Variants in ANAPC16 observed in about 807,000 individuals in gnomAD.
ANAPC16 encodes the protein anaphase promoting complex subunit 16.
In ANAPC16, 6 loss-of-function variants were observed where a neutral mutation model predicts 13.1. That is an observed-to-expected ratio of 0.46 (90% CI 0.25 to 0.90). The LOEUF is 0.90. ANAPC16 is among the 40% of genes least tolerant of loss of function. The pLI is 0.18. For missense variants in ANAPC16, 113 were observed against 131.1 expected (o/e 0.86, Z 0.67); for synonymous variants, 55 against 51.3 (o/e 1.07, Z -0.31).
intron 1 of ANAPC16, among the ~76,000 whole-genome samples, chr10:72,219,330 C>T (rs1399816919): frequency 1.3e-5 from 2 of 152,082 alleles, no homozygotes; most frequent in East Asian, 1.9e-4. Context: ...CAGTGTAGTC[C>T]GGAAGATTGG....
In ANAPC16 at chr10:72,219,369, C is replaced by T. The variant is rs180885289; in HGVS notation, c.-28+3231C>T. Among the ~76,000 whole-genome samples the T allele has an allele frequency of 2.0e-5, 3 of 152,242 alleles. No individual in the cohort carries two copies. The East Asian group carries it at 5.8e-4, about 29-fold the overall frequency. On this transcript the variant is annotated intron_variant, in intron 1 of 3. Coordinates refer to ENST00000299381, the MANE Select transcript of ANAPC16 (RefSeq NM_173473.4). Reference sequence around the variant, plus strand: ...TTAATCTAACTCCCAAAGTTGTTGCCTCTGTGGATATGAGTACAATTTGGA... The same window carrying T: ...TTAATCTAACTCCCAAAGTTGTTGCTTCTGTGGATATGAGTACAATTTGGA...
Position 72,220,830 on chromosome 10 carries a change from C to G in ANAPC16, c.-27-3058C>G, listed in dbSNP as rs183341838. On this transcript the variant is annotated intron_variant, in intron 1 of 3. Coordinates refer to ENST00000299381, the MANE Select transcript of ANAPC16 (RefSeq NM_173473.4). ...TTTCTTTGTTCCTTTTCCACTCCCA[C>G]TGCTTCACGTGACTGGCCAGAAAAA... 3.4e-3 allele frequency: 520 copies of G among 150,842 alleles called. 5 individuals are homozygous for G. Among genetic ancestry groups the G allele is most frequent in the African/African-American group, 0.012 (501 of 40,862 alleles). The allele number at this position is 150,842 out of a possible 1,614,324, so 9.3% of individuals were successfully genotyped here. A position where few individuals can be genotyped will look rare whatever the true frequency, so the allele number is the denominator to read the frequency against.
At chr10:72,216,890 G>A (rs1280589678) in intron 1 of ANAPC16, 2 of 456,214 alleles carry the variant, frequency 4.4e-6, no homozygotes, top group Admixed American at 2.3e-5. Context: ...GGGCACCTCC[G>A]GTGGGCCTGG....
At chr10:72,229,923 A>AT (rs1180997505) in intron 2 of ANAPC16, among the ~76,000 whole-genome samples, 1 of 152,082 alleles carries the variant, frequency 6.6e-6, no homozygotes, top group South Asian at 2.1e-4. Context: ...AAAATCAACA[A>AT]TTTTTTCCTC....
chr10:72,223,667 T>A, intron 1 of ANAPC16: 1 of 343,732 alleles, frequency 2.9e-6, no homozygotes, highest in East Asian at 4.6e-5. Context: ...TAGGAATTCA[T>A]GTTTTAAGTA....
intron 1 of ANAPC16, among the ~76,000 whole-genome samples, chr10:72,219,352 A>T (rs552137745): frequency 2.0e-5 from 3 of 152,310 alleles, no homozygotes; most frequent in Non-Finnish European, 4.4e-5. Flanking sequence ...TATTAATCTA[A>T]CTCCCAAAGT....
Position 72,235,702 on chromosome 10 carries a change from G to A in ANAPC16, c.*2586G>A, listed in dbSNP as rs920404355. The A allele has an allele frequency of 1.3e-5, 2 of 152,066 alleles. No homozygotes were observed. The highest frequency in any genetic ancestry group is 2.1e-4 in the South Asian group (1 of 4,830). 9.4% of individuals were successfully genotyped at this position (152,066 alleles called of 1,614,324 possible). ...TTTAGAAGCAATCACTACCTTTCTC[G>A]TTTCATTTGTGTAACCATGCAGCAT... is the stretch of plus-strand genomic sequence containing the variant. On this transcript the variant is annotated 3_prime_UTR_variant, in exon 4 of 4. Coordinates refer to ENST00000299381, the MANE Select transcript of ANAPC16 (RefSeq NM_173473.4).
chr10:72,223,877 T>G lies in ANAPC16; in HGVS notation c.-27-11T>G, dbSNP rs1486705165. ...ATAAACTTGCCAATTGCTGTTTTTC[T>G]TTCTCTGTAGTGAAGTAAGAACTCT... On this transcript the variant is annotated splice_polypyrimidine_tract_variant and intron_variant, in intron 1 of 3. Coordinates refer to ENST00000299381, the MANE Select transcript of ANAPC16 (RefSeq NM_173473.4). 2 of 1,495,692 alleles carry G rather than the reference T, an allele frequency of 1.3e-6. No homozygotes were observed. The highest frequency in any genetic ancestry group is 1.8e-6 in the Non-Finnish European group (2 of 1,108,964). The allele number at this position is 1,495,692 out of a possible 1,614,324, so 92.7% of individuals were successfully genotyped here.
rs1860451110 is a variant in ANAPC16 at position 72,235,771 on chromosome 10, A to G, written c.*2655A>G. 1 of 152,204 alleles carries G rather than the reference A, an allele frequency of 6.6e-6. No individual in the cohort carries two copies. The highest frequency in any genetic ancestry group is 1.5e-5 in the Non-Finnish European group (1 of 68,048). The allele number at this position is 152,204 out of a possible 1,614,324, so 9.4% of individuals were successfully genotyped here. A position where few individuals can be genotyped will look rare whatever the true frequency, so the allele number is the denominator to read the frequency against. ...TCTTTACGCTTTGGTATTTGAACTT[A>G]TTACAGAATTTTTTCTCTAAATTGG... On this transcript the variant is annotated 3_prime_UTR_variant, in exon 4 of 4. Coordinates refer to ENST00000299381, the MANE Select transcript of ANAPC16 (RefSeq NM_173473.4).
chr10:72,225,037 A>C (rs949317610), intron 2 of ANAPC16, among the ~76,000 whole-genome samples: 3 of 152,170 alleles, frequency 2.0e-5, no homozygotes, highest in Non-Finnish European at 4.4e-5. Flanking sequence ...TAATTCTAGC[A>C]CTTTGGGAGG....
chr10:72,230,413 G>A lies in ANAPC16; in HGVS notation c.190G>A (p.Ala64Thr). 5 of 1,614,052 alleles carry A rather than the reference G, an allele frequency of 3.1e-6. No homozygotes were observed. Among genetic ancestry groups the A allele is most frequent in the Non-Finnish European group, 4.2e-6 (5 of 1,179,982 alleles). The stretch of plus-strand genomic sequence containing the variant: ...CGAATCTGTTTTTAGCTATCAAGTG[G>A]CATCCACGCTTAAACAGGTGAAACA... ...LCESVFSYQV[A>T]STLKQVKHDQ... Residue 64 changes from alanine to threonine, a missense_variant, in exon 3 of 4, where the codon GCA becomes ACA. Physicochemically the swap from Ala to Thr is moderately conservative, Grantham distance 58 (BLOSUM62 0). Coordinates refer to ENST00000299381, the MANE Select transcript of ANAPC16 (RefSeq NM_173473.4).
At chr10:72,227,012 A>G (rs1007323759) in intron 2 of ANAPC16, among the ~76,000 whole-genome samples, 5 of 152,236 alleles carry the variant, frequency 3.3e-5, no homozygotes, top group African/African-American at 9.6e-5. Context: ...CTAAAACTAT[A>G]TTATGACTTC....
intron 2 of ANAPC16, among the ~76,000 whole-genome samples, chr10:72,226,739 TAAA>T (rs1860134221): frequency 2.0e-5 from 3 of 151,210 alleles, no homozygotes; most frequent in Admixed American, 6.6e-5. Context: ...TCAGAAATAA[TAAA>T]AAGAGTTACG....
intron 3 of ANAPC16, among the ~76,000 whole-genome samples, chr10:72,231,175 T>A (rs144846089): frequency 6.6e-6 from 1 of 152,142 alleles, no homozygotes; most frequent in Non-Finnish European, 1.5e-5. Flanking sequence ...AAGCTGTAAT[T>A]GCCTCTAACC....
rs566040344 is a variant in ANAPC16, at chr10:72,233,100, C to T, written c.317C>T (p.Thr106Ile). The change falls in exon 4 of 4, where the codon ACC becomes ATC. Residue 106 changes from threonine (T) to isoleucine (I), a missense_variant. Transcript: ENST00000299381. Reference sequence around the variant, plus strand: ...CCCATCGAGCAGCTGCTGGGATTCACCCCCTCTTCAGGTTGATACTGCCTG... The same window carrying T: ...CCCATCGAGCAGCTGCTGGGATTCATCCCCTCTTCAGGTTGATACTGCCTG... ...FKPIEQLLGF[T>I]PSSG The T allele has an allele frequency of 6.2e-7, 1 of 1,613,970 alleles. No individual in the cohort carries two copies. The highest frequency in any genetic ancestry group is 8.5e-7 in the Non-Finnish European group (1 of 1,179,908).
chr10:72,233,644 T>G lies in ANAPC16; in HGVS notation c.*528T>G, dbSNP rs1369697984. ...ATTTTTAGACATCAATTCTATAGAT[T>G]CTGACTTTTTCTAACCTCTTATAGA... On this transcript the variant is annotated 3_prime_UTR_variant, in exon 4 of 4. Transcript: ENST00000299381. The G allele has an allele frequency of 6.5e-6, 1 of 152,976 alleles. No individual in the cohort carries two copies. The highest frequency in any genetic ancestry group is 2.4e-5 in the African/African-American group (1 of 41,464). The allele number at this position is 152,976 out of a possible 1,614,324, so 9.5% of individuals were successfully genotyped here.
rs535294952 is a variant in ANAPC16, at chr10:72,235,577, T to A, written c.*2461T>A. Reference sequence around the variant, plus strand: ...CATATTCGACAGCATTTTAGTTTTTTAATAGTACTTATTAGCATCAACCAT... The same window carrying A: ...CATATTCGACAGCATTTTAGTTTTTAAATAGTACTTATTAGCATCAACCAT... On this transcript the variant is annotated 3_prime_UTR_variant, in exon 4 of 4. Transcript: ENST00000299381. The A allele has an allele frequency of 8.5e-5, 13 of 152,366 alleles. No individual in the cohort carries two copies. Among genetic ancestry groups the A allele is most frequent in the African/African-American group, 3.1e-4 (13 of 41,594 alleles). The allele number at this position is 152,366 out of a possible 1,614,324, so 9.4% of individuals were successfully genotyped here.
intron 3 of ANAPC16, 70 bp downstream of exon 3, chr10:72,230,510 A>G (rs1444874749): frequency 4.6e-6 from 6 of 1,311,518 alleles, no homozygotes; most frequent in Non-Finnish European, 6.6e-6. Context: ...GGCTGTGACA[A>G]AAATCCCCAA....
intron 1 of ANAPC16, chr10:72,223,608 A>G (rs1449051256): frequency 1.3e-5 from 3 of 227,628 alleles, no homozygotes. Context: ...TTCATAACTC[A>G]TAAATCACCC....
Sources: allele counts gnomAD v4.1 joint callset (sites outside exome capture counted in the v4.1 genomes callset), GRCh38; gene constraint gnomAD v4.1.1; transcripts MANE v1.5; gene names NCBI Gene and HGNC (gene_info 2026-07-23, HGNC 2026-07-21).